Variants in C5orf58 observed in about 807,000 individuals in gnomAD.
C5orf58 encodes chromosome 5 open reading frame 58.
Under a neutral mutation model 2.9 loss-of-function variants are expected in C5orf58, and 2 were observed. That is an observed-to-expected ratio of 0.69 (90% CI 0.28 to 2.18). The LOEUF is 2.18. C5orf58 is among the 30% of genes most tolerant of loss of function. The pLI is 0.13. For synonymous variants in C5orf58, 37 were observed against 33.4 expected (o/e 1.11, Z -0.37); for missense variants, 96 against 91.7 (o/e 1.05, Z -0.19).
chr5:170,248,602 G>C, downstream of C5orf58: 1 of 1,373,680 alleles, frequency 7.3e-7, no homozygotes, highest in Non-Finnish European at 1.0e-6. Flanking sequence ...GAGGGGTTCA[G>C]TTCAGTCCTA....
chr5:170,248,916 C>T (rs1581053695), downstream of C5orf58: 14 of 1,217,152 alleles, frequency 1.2e-5, no homozygotes, highest in Admixed American at 2.0e-5. Flanking sequence ...GCTGCCTCTT[C>T]AAGTGATGAG....
At chr5:170,234,268 T>C in intron 2 of C5orf58, 70 bp downstream of exon 2, 1 of 903,118 alleles carries the variant, frequency 1.1e-6, no homozygotes, top group Non-Finnish European at 1.7e-6. Context: ...ACTGCTGGAG[T>C]TGTGTATGCT....
Position 170,233,002 on chromosome 5 carries a change from G to A in C5orf58, c.-90G>A. On this transcript the variant is annotated 5_prime_UTR_variant, in exon 1 of 4. Coordinates refer to ENST00000593851, the MANE Select transcript of C5orf58 (RefSeq NM_001102609.3). The stretch of plus-strand genomic sequence containing the variant: ...TCCTGTCAGAACCTCGGTGACGGTT[G>A]GCCAGGTGGGTAGTGACGGCTGCTC... The A allele has an allele frequency of 1.0e-6, 1 of 984,448 alleles. No individual in the cohort carries two copies. Among genetic ancestry groups the A allele is most frequent in the Non-Finnish European group, 1.2e-6 (1 of 829,018 alleles). 61.0% of individuals were successfully genotyped at this position (984,448 alleles called of 1,614,324 possible). A position where few individuals can be genotyped will look rare whatever the true frequency, so the allele number is the denominator to read the frequency against.
downstream of C5orf58, chr5:170,250,859 G>A (rs772836771): frequency 3.1e-6 from 5 of 1,613,438 alleles, no homozygotes; most frequent in Admixed American, 6.7e-5. Flanking sequence ...TTTTTTTAGA[G>A]CTGTCTCTGA....
Position 170,245,986 on chromosome 5 carries a change from A to G in C5orf58, c.119A>G (p.Asp40Gly). The G allele has an allele frequency of 6.2e-7, 1 of 1,613,552 alleles. No individual in the cohort carries two copies. Among genetic ancestry groups the G allele is most frequent in the Non-Finnish European group, 8.5e-7 (1 of 1,179,686 alleles). Reference sequence around the variant, plus strand: ...GAGCTCTCCCAGTTATTGCTTTGTGACCTTATCCTACATTTTAATCATCCC... The same window carrying G: ...GAGCTCTCCCAGTTATTGCTTTGTGGCCTTATCCTACATTTTAATCATCCC... ...IKELSQLLLC[D>G]LILHFNHPIK... The change falls in exon 4 of 4, where the codon GAC becomes GGC. Residue 40 changes from aspartate to glycine, a missense_variant. Transcript: ENST00000593851.
downstream of C5orf58, chr5:170,248,716 T>C (rs1415422377): frequency 3.1e-6 from 5 of 1,611,734 alleles, no homozygotes; most frequent in Non-Finnish European, 4.2e-6. Context: ...CCCTGCAGCA[T>C]GCGTTAATGT....
chr5:170,250,038 A>C (rs940690991), downstream of C5orf58, among the ~76,000 whole-genome samples: 2 of 152,234 alleles, frequency 1.3e-5, no homozygotes, highest in Non-Finnish European at 2.9e-5. Context: ...TAACAGAAGT[A>C]TGTGAAGCAG....
chr5:170,235,717 G>A (rs1474200308), intron 3 of C5orf58, among the ~76,000 whole-genome samples: 1 of 152,098 alleles, frequency 6.6e-6, no homozygotes, highest in Non-Finnish European at 1.5e-5. Context: ...TTTCACCTAA[G>A]AGTCCTATTT....
At chr5:170,240,086 C>T (rs1229551037) in intron 3 of C5orf58, among the ~76,000 whole-genome samples, 21 of 150,540 alleles carry the variant, frequency 1.4e-4, no homozygotes, top group African/African-American at 5.1e-4. Flanking sequence ...TCATCCATGT[C>T]CCTACAAAGG....
downstream of C5orf58, chr5:170,252,349 C>T (rs1043606582): frequency 4.1e-6 from 3 of 732,440 alleles, no homozygotes; most frequent in Non-Finnish European, 6.9e-6. Context: ...GAATTCCTAG[C>T]CTGTAATTGG....
intron 3 of C5orf58, among the ~76,000 whole-genome samples, chr5:170,240,175 C>T (rs1234400061): frequency 4.6e-5 from 7 of 151,186 alleles, no homozygotes; most frequent in African/African-American, 1.5e-4. Context: ...CAGTCTATCA[C>T]TGTTGGACAT....
At chr5:170,246,981 G>A (rs942418326), downstream of C5orf58, 1 of 152,178 alleles carries the variant, frequency 6.6e-6, no homozygotes, top group Admixed American at 6.5e-5. Context: ...ATGAGCTTTG[G>A]TTTGTTTTAT....
At chr5:170,248,940 A>C (rs2113142592), downstream of C5orf58, 2 of 965,586 alleles carry the variant, frequency 2.1e-6, no homozygotes, top group East Asian at 2.7e-5. Context: ...TGTGGGGGGA[A>C]AAAATGTAAA....
At chr5:170,236,308 A>G (rs1023517403) in intron 3 of C5orf58, among the ~76,000 whole-genome samples, 1 of 152,128 alleles carries the variant, frequency 6.6e-6, no homozygotes, top group Non-Finnish European at 1.5e-5. Flanking sequence ...CATTTCCTGG[A>G]CTTTGATCTG....
At chr5:170,237,137 T>A (rs950149535) in intron 3 of C5orf58, 8 of 395,880 alleles carry the variant, frequency 2.0e-5, no homozygotes, top group Non-Finnish European at 3.1e-5. Flanking sequence ...AGATGTTTTC[T>A]TGAGACATTG....
intron 2 of C5orf58, 38 bp downstream of exon 2, chr5:170,234,236 C>T (rs1233022922): frequency 1.7e-6 from 2 of 1,207,706 alleles, no homozygotes; most frequent in South Asian, 1.2e-5. Flanking sequence ...AGCAGCTTGA[C>T]CCATGACTGC....
chr5:170,239,497 A>G (rs1490344649), intron 3 of C5orf58, among the ~76,000 whole-genome samples: 1 of 152,094 alleles, frequency 6.6e-6, no homozygotes, highest in East Asian at 1.9e-4. Context: ...ACACACTGAA[A>G]TGACCAAAGC....
chr5:170,244,915 C>G (rs866258640), intron 3 of C5orf58, among the ~76,000 whole-genome samples: 2 of 151,896 alleles, frequency 1.3e-5, no homozygotes, highest in African/African-American at 4.8e-5. Flanking sequence ...GTGGTTTTAT[C>G]TACTTTTGGT....
chr5:170,248,186 G>A (rs1330577713), downstream of C5orf58: 1 of 152,632 alleles, frequency 6.6e-6, no homozygotes, highest in Non-Finnish European at 1.5e-5. Context: ...TACTAAATAA[G>A]AGTGAAATTA....
Sources: allele counts gnomAD v4.1 joint callset (sites outside exome capture counted in the v4.1 genomes callset), GRCh38; gene constraint gnomAD v4.1.1; transcripts MANE v1.5; gene names NCBI Gene and HGNC (gene_info 2026-07-23, HGNC 2026-07-21).